Variants in CSMD1 observed in about 807,000 individuals in gnomAD.
The protein encoded by CSMD1 is CUB and sushi domain-containing protein 1.
Under a neutral mutation model 417.5 loss-of-function variants are expected in CSMD1, and 213 were observed. The observed-to-expected ratio is 0.51, with a 90% confidence interval of 0.46 to 0.57. The LOEUF is 0.57. Ranked by LOEUF, CSMD1 falls within the 20% of genes least tolerant of loss-of-function variation. The pLI is 0.00. For synonymous variants in CSMD1, 2,862 were observed against 1,736.8 expected, an observed-to-expected ratio of 1.65 and a Z score of -16.11; for missense variants, 6,923 against 4,529.7, an observed-to-expected ratio of 1.53 and a Z score of -15.17.
At chr8:3,537,202 T>G (rs184450378) in intron 10 of CSMD1, among the ~76,000 whole-genome samples, 1 of 152,090 alleles carries the variant, frequency 6.6e-6, no homozygotes, top group Non-Finnish European at 1.5e-5. Context: ...GGTTTCACCA[T>G]GTTGGCCAAG....
chr8:3,945,857 T>A (rs1000444809), intron 5 of CSMD1, among the ~76,000 whole-genome samples: 2 of 152,070 alleles, frequency 1.3e-5, no homozygotes, highest in Admixed American at 1.3e-4. Context: ...TTGTAGTGAA[T>A]CATTATTCCA....
intron 2 of CSMD1, among the ~76,000 whole-genome samples, chr8:4,450,436 G>T (rs1028346836): frequency 3.9e-5 from 6 of 152,060 alleles, no homozygotes; most frequent in Non-Finnish European, 7.4e-5. Context: ...GACCATCTTG[G>T]CCAACAGGGT....
intron 1 of CSMD1, among the ~76,000 whole-genome samples, chr8:4,785,448 C>T (rs1585094596): frequency 6.6e-6 from 1 of 152,102 alleles, no homozygotes; most frequent in East Asian, 1.9e-4. Context: ...ACCATTAGCT[C>T]ATGCAGCCCT....
At chr8:4,930,352 T>A (rs1363515067) in intron 1 of CSMD1, among the ~76,000 whole-genome samples, 1 of 152,114 alleles carries the variant, frequency 6.6e-6, no homozygotes, top group African/African-American at 2.4e-5. Flanking sequence ...TAATTCTGAT[T>A]TCATTCATAG....
At chr8:4,795,892 G>A (rs1031432135) in intron 1 of CSMD1, among the ~76,000 whole-genome samples, 1 of 152,108 alleles carries the variant, frequency 6.6e-6, no homozygotes, top group Non-Finnish European at 1.5e-5. Flanking sequence ...TCATGTTAAG[G>A]TAGACTGAAA....
At chr8:4,071,237 G>C (rs1041079167) in intron 3 of CSMD1, among the ~76,000 whole-genome samples, 5 of 151,792 alleles carry the variant, frequency 3.3e-5, no homozygotes, top group East Asian at 3.9e-4. Context: ...TGTTAGGCCT[G>C]ATATTGTCCC....
At chr8:3,222,037 A>G (rs1267200254) in intron 28 of CSMD1, among the ~76,000 whole-genome samples, 3 of 151,840 alleles carry the variant, frequency 2.0e-5, no homozygotes, top group African/African-American at 7.3e-5. Context: ...CCTCCTCACT[A>G]CTTCCCAGGT....
chr8:3,358,194 G>A (rs1808923478), intron 21 of CSMD1, among the ~76,000 whole-genome samples: 1 of 152,190 alleles, frequency 6.6e-6, no homozygotes, highest in Admixed American at 6.5e-5. Context: ...TCGTTAACTG[G>A]TGAAATTAGT....
intron 2 of CSMD1, among the ~76,000 whole-genome samples, chr8:4,431,026 C>T (rs1200490453): frequency 3.9e-5 from 6 of 152,100 alleles, no homozygotes; most frequent in Non-Finnish European, 8.8e-5. Flanking sequence ...CGCATAAGAC[C>T]TGTGCTTCTT....
chr8:3,423,280 T>C (rs1258742209), intron 12 of CSMD1, among the ~76,000 whole-genome samples: 1 of 152,208 alleles, frequency 6.6e-6, no homozygotes, highest in African/African-American at 2.4e-5. Context: ...AATCATGGTA[T>C]GGAGGCTTCT....
chr8:4,400,598 G>C (rs1029786916), intron 3 of CSMD1, among the ~76,000 whole-genome samples: 1 of 152,232 alleles, frequency 6.6e-6, no homozygotes, highest in Admixed American at 6.5e-5. Context: ...GCTGGAGTTT[G>C]AAATAGGATG....
chr8:4,121,316 T>C (rs752726509), intron 3 of CSMD1, among the ~76,000 whole-genome samples: 2 of 152,062 alleles, frequency 1.3e-5, no homozygotes, highest in Non-Finnish European at 2.9e-5. Flanking sequence ...CGTTCCACCA[T>C]GTTGGCCAGG....
intron 3 of CSMD1, among the ~76,000 whole-genome samples, chr8:4,071,708 GACTCT>G (rs1799567441): frequency 6.6e-6 from 1 of 152,090 alleles, no homozygotes; most frequent in East Asian, 1.9e-4. Context: ...GGAGATTTTA[GACTCT>G]GTTATGCTCC....
At chr8:4,127,614 C>A (rs934780865) in intron 3 of CSMD1, among the ~76,000 whole-genome samples, 1 of 152,102 alleles carries the variant, frequency 6.6e-6, no homozygotes, top group African/African-American at 2.4e-5. Flanking sequence ...ACATACAACA[C>A]CCAAAGTACC....
intron 50 of CSMD1, among the ~76,000 whole-genome samples, chr8:3,044,862 T>C (rs1008714346): frequency 6.6e-6 from 1 of 152,186 alleles, no homozygotes; most frequent in Non-Finnish European, 1.5e-5. Flanking sequence ...TAAAGAAACT[T>C]AAAAACTGTT....
At chr8:4,927,578 A>G (rs776095796) in intron 1 of CSMD1, among the ~76,000 whole-genome samples, 3 of 152,102 alleles carry the variant, frequency 2.0e-5, no homozygotes, top group Non-Finnish European at 4.4e-5. Context: ...ATGCCTTACT[A>G]AATAGTTCTT....
chr8:4,443,505 T>C (rs969466240), intron 2 of CSMD1, among the ~76,000 whole-genome samples: 1 of 152,204 alleles, frequency 6.6e-6, no homozygotes, highest in East Asian at 1.9e-4. Context: ...ATGCCACATA[T>C]ATTAACACCA....
At chr8:4,849,783 A>G (rs117664044) in intron 1 of CSMD1, among the ~76,000 whole-genome samples, 1,760 of 152,298 alleles carry the variant, frequency 0.012, 9 homozygotes, top group Non-Finnish European at 0.017. Flanking sequence ...AGTGCACTCA[A>G]TGATGTTCAT....
intron 55 of CSMD1, among the ~76,000 whole-genome samples, chr8:2,977,066 A>G (rs1164095234): frequency 6.6e-6 from 1 of 152,086 alleles, no homozygotes; most frequent in Non-Finnish European, 1.5e-5. Context: ...AAAAAAAAGA[A>G]AGAAAGAAAA....
Sources: allele counts gnomAD v4.1 joint callset (sites outside exome capture counted in the v4.1 genomes callset), GRCh38; gene constraint gnomAD v4.1.1; transcripts MANE v1.5; gene names NCBI Gene and HGNC (gene_info 2026-07-23, HGNC 2026-07-21).